The following ARHGAP44 variants were observed in gnomAD, a reference collection of about 807,000 sequenced individuals.
The protein encoded by ARHGAP44 is Rho GTPase activating protein 44.
In ARHGAP44, 43 loss-of-function variants were observed where a neutral mutation model predicts 106.8. That is an observed-to-expected ratio of 0.40 (90% CI 0.32 to 0.52). ARHGAP44 has a LOEUF of 0.52. Ranked by LOEUF, ARHGAP44 falls within the 20% of genes least tolerant of loss-of-function variation. The probability of loss-of-function intolerance (pLI) is 0.48; values close to 1 mark genes in which losing one functional copy is unlikely to be tolerated. For synonymous variants in ARHGAP44, 439 were observed against 410.3 expected (o/e 1.07, Z -0.85); for missense variants, 866 against 1,050.5 (o/e 0.82, Z 2.43).
At chr17:12,984,366 T>C (rs1425661610) in intron 19 of ARHGAP44, 165 bp from the exon 20 acceptor site, 2 of 564,126 alleles carry the variant, frequency 3.5e-6, no homozygotes, top group South Asian at 5.1e-5. Context: ...TTGGCTGCTG[T>C]CAATGTGGCA....
In ARHGAP44 at chr17:12,978,690, CTTTTTTCTTT is replaced by C. The variant is rs1476846415; in HGVS notation, c.1764-1361_1764-1352del. On this transcript the variant is annotated intron_variant, in intron 18 of 20. Coordinates refer to ENST00000379672, the MANE Select transcript of ARHGAP44 (RefSeq NM_014859.6). ...GCCTTTTTTTTTTCTTTTCTTTTTTCTTTTTTCTTTTTTTTTTTGACAGGGTCTCCCTCTG... is the reference window on the plus strand; with the variant it reads ...GCCTTTTTTTTTTCTTTTCTTTTTTCTTTTTTTTGACAGGGTCTCCCTCTG... Among the ~76,000 whole-genome samples the C allele has an allele frequency of 7.7e-3, 982 of 127,130 alleles. 13 individuals carry two copies. Among genetic ancestry groups the C allele is most frequent in the African/African-American group, 0.028 (938 of 33,610 alleles). 83.4% of individuals were successfully genotyped at this position (127,130 alleles called of 152,430 possible). A position where few individuals can be genotyped will look rare whatever the true frequency, so the allele number is the denominator to read the frequency against.
chr17:12,792,456 G>A (rs2033793959), intron 1 of ARHGAP44, among the ~76,000 whole-genome samples: 1 of 152,124 alleles, frequency 6.6e-6, no homozygotes, highest in African/African-American at 2.4e-5. Flanking sequence ...AGATTAAAAC[G>A]GTTTACCCCA....
chr17:12,978,045 A>AAAAAAAAAAAAAAAAAAAAAAAAAAAAC (rs2039735916), intron 18 of ARHGAP44, among the ~76,000 whole-genome samples: 1 of 149,564 alleles, frequency 6.7e-6, no homozygotes, highest in East Asian at 2.0e-4. Flanking sequence ...TCAAAAAAAA[A>AAAAAAAAAAAAAAAAAAAAAAAAAAAAC]AAAAAAAAAA....
chr17:12,851,006 C>T (rs1249987594), intron 1 of ARHGAP44, among the ~76,000 whole-genome samples: 1 of 152,210 alleles, frequency 6.6e-6, no homozygotes, highest in Non-Finnish European at 1.5e-5. Flanking sequence ...TTTCTGCTGT[C>T]CTCATTGGTA....
chr17:12,876,909 CAAAAAAAAAA>C (rs59331390), intron 1 of ARHGAP44, among the ~76,000 whole-genome samples: 4 of 90,702 alleles, frequency 4.4e-5, no homozygotes, highest in Non-Finnish European at 6.9e-5. Flanking sequence ...GACTCCGTCT[CAAAAAAAAAA>C]AAAAAAAAAG....
intron 3 of ARHGAP44, among the ~76,000 whole-genome samples, chr17:12,897,710 C>CTTTTTTTTTT (rs71980749): frequency 1.8e-5 from 2 of 108,948 alleles, no homozygotes; most frequent in African/African-American, 3.5e-5. Flanking sequence ...TGATCTGTGT[C>CTTTTTTTTTT]TTTTTTTTTT....
chr17:12,865,516 G>A (rs1490251602), intron 1 of ARHGAP44, among the ~76,000 whole-genome samples: 1 of 152,130 alleles, frequency 6.6e-6, no homozygotes, highest in East Asian at 1.9e-4. Flanking sequence ...GAGGCTGGGT[G>A]CGGTGGCTCA....
chr17:12,930,771 A>C (rs1179559664), intron 7 of ARHGAP44, among the ~76,000 whole-genome samples: 1 of 152,204 alleles, frequency 6.6e-6, no homozygotes, highest in Admixed American at 6.5e-5. Flanking sequence ...TTCGTAGTAC[A>C]TGTTCAGCAT....
chr17:12,952,462 T>C lies in ARHGAP44; in HGVS notation c.1056-39T>C, dbSNP rs201040926. 68 of 1,452,914 alleles carry C rather than the reference T, an allele frequency of 4.7e-5. No homozygotes were observed. In the East Asian group the frequency reaches 1.6e-3, roughly 35 times the overall value. The allele number at this position is 1,452,914 out of a possible 1,614,324, so 90.0% of individuals were successfully genotyped here. On this transcript the variant is annotated intron_variant, in intron 12 of 20. Coordinates refer to ENST00000379672, the MANE Select transcript of ARHGAP44 (RefSeq NM_014859.6). ...ATGATTTCCGATGAGACTTTATTGA[T>C]TCGTGCTCAACCAATGACCTTTCCT...
chr17:12,895,092 C>A, intron 2 of ARHGAP44, 113 bp downstream of exon 2: 1 of 906,000 alleles, frequency 1.1e-6, no homozygotes, highest in Non-Finnish European at 1.7e-6. Context: ...GATCGTGCCA[C>A]TACACTCCAG....
intron 3 of ARHGAP44, among the ~76,000 whole-genome samples, chr17:12,905,862 C>T (rs137903581): frequency 4.6e-5 from 7 of 152,322 alleles, no homozygotes; most frequent in African/African-American, 1.7e-4. Flanking sequence ...ATCGTACCAT[C>T]TGACATTCAA....
At chr17:12,831,119 G>A (rs552126204) in intron 1 of ARHGAP44, among the ~76,000 whole-genome samples, 29 of 152,166 alleles carry the variant, frequency 1.9e-4, no homozygotes, top group Non-Finnish European at 3.2e-4. Context: ...TCCAGAACAT[G>A]GTCCTAAGTT....
In ARHGAP44 at chr17:12,944,006, G is replaced by A; in HGVS notation, c.734-63G>A. 3.3e-6 allele frequency: 5 copies of A among 1,502,538 alleles called. No individual in the cohort carries two copies. In the South Asian group the frequency reaches 5.3e-5, roughly 16 times the overall value. 93.1% of individuals were successfully genotyped at this position (1,502,538 alleles called of 1,614,324 possible). A position where few individuals can be genotyped will look rare whatever the true frequency, so the allele number is the denominator to read the frequency against. On this transcript the variant is annotated intron_variant, in intron 9 of 20. Transcript: ENST00000379672. Reference sequence around the variant, plus strand: ...GAGAATCTGGACAACAAAGGAAAGCGAGATTCCAGCATGAGTGAACTTGGC... The same window carrying A: ...GAGAATCTGGACAACAAAGGAAAGCAAGATTCCAGCATGAGTGAACTTGGC...
intron 5 of ARHGAP44, among the ~76,000 whole-genome samples, chr17:12,916,627 C>T (rs1392953308): frequency 6.6e-6 from 1 of 152,220 alleles, no homozygotes; most frequent in African/African-American, 2.4e-5. Flanking sequence ...TCAGGCGATC[C>T]ACCCGCCTTG....
At chr17:12,904,550 G>A (rs994859808) in intron 3 of ARHGAP44, among the ~76,000 whole-genome samples, 2 of 152,152 alleles carry the variant, frequency 1.3e-5, no homozygotes, top group Non-Finnish European at 2.9e-5. Flanking sequence ...TAGGGTACTT[G>A]AGTAAATACA....
At chr17:12,920,333 G>A (rs2038041751) in intron 6 of ARHGAP44, among the ~76,000 whole-genome samples, 1 of 119,824 alleles carries the variant, frequency 8.3e-6, no homozygotes, top group Admixed American at 9.2e-5. Context: ...CCGAGATCAT[G>A]CCACTGCATT....
intron 1 of ARHGAP44, among the ~76,000 whole-genome samples, chr17:12,890,694 GA>G (rs2037019297): frequency 6.6e-6 from 1 of 152,162 alleles, no homozygotes; most frequent in Non-Finnish European, 1.5e-5. Context: ...TCTCAAAGGG[GA>G]CACTTGGCAC....
intron 1 of ARHGAP44, among the ~76,000 whole-genome samples, chr17:12,791,055 C>T (rs976423080): frequency 6.6e-6 from 1 of 152,024 alleles, no homozygotes; most frequent in Non-Finnish European, 1.5e-5. Context: ...GGGGACATCC[C>T]TGGGGAATAG....
intron 1 of ARHGAP44, among the ~76,000 whole-genome samples, chr17:12,802,117 A>C (rs2150764546): frequency 6.6e-6 from 1 of 152,332 alleles, no homozygotes; most frequent in South Asian, 2.1e-4. Context: ...CCATTGGAAA[A>C]TGATATGCTA....
Sources: allele counts gnomAD v4.1 joint callset (sites outside exome capture counted in the v4.1 genomes callset), GRCh38; gene constraint gnomAD v4.1.1; transcripts MANE v1.5; gene names NCBI Gene and HGNC (gene_info 2026-07-23, HGNC 2026-07-21).